TAB2: variants seen among roughly 807,000 people sequenced by gnomAD.
TAB2 encodes TGF-beta activated kinase 1 (MAP3K7) binding protein 2, also known as TGF-beta-activated kinase 1 and MAP3K7-binding protein 2.
In TAB2, 3 loss-of-function variants were observed where a neutral mutation model predicts 65.0. The observed-to-expected ratio is 0.05, with a 90% CI of 0.02 to 0.12. The LOEUF (loss-of-function observed/expected upper bound fraction) is 0.12, where lower values mean the gene tolerates loss of function less well. TAB2 is among the 10% of genes least tolerant of loss of function. The pLI, the probability that TAB2 is intolerant of heterozygous loss-of-function variation, is 1.00. For missense variants in TAB2, 623 were observed against 840.3 expected (o/e 0.74, Z 3.20); for synonymous variants, 298 against 285.1 (o/e 1.05, Z -0.46).
intron 1 of TAB2, among the ~76,000 whole-genome samples, chr6:149,274,683 T>C (rs755670170): frequency 2.2e-4 from 34 of 152,144 alleles, no homozygotes; most frequent in Admixed American, 1.1e-3. Context: ...TGGGCCTTCA[T>C]TGAAAAAAGG....
At chr6:149,275,238 A>AGAGAGAG (rs1778441134) in intron 1 of TAB2, among the ~76,000 whole-genome samples, 2 of 38,116 alleles carry the variant, frequency 5.2e-5, no homozygotes, top group African/African-American at 1.5e-4. Flanking sequence ...GAGAGAGAGA[A>AGAGAGAG]AGAAAGAAAG....
At chr6:149,391,563 G>A (rs2744428) in intron 3 of TAB2, among the ~76,000 whole-genome samples, 18,558 of 151,908 alleles carry the variant, frequency 0.12, 1,737 homozygotes, top group East Asian at 0.51. Context: ...AGGGGCAGGG[G>A]CAGGGTGTCA....
chr6:149,320,139 C>G (rs929671598), intron 1 of TAB2, among the ~76,000 whole-genome samples: 3 of 152,124 alleles, frequency 2.0e-5, no homozygotes, highest in African/African-American at 7.2e-5. Flanking sequence ...TGCAGTAGTG[C>G]GATCTTGACT....
intron 6 of TAB2, chr6:149,400,541 A>T: frequency 1.2e-6 from 2 of 1,614,264 alleles, no homozygotes; most frequent in Non-Finnish European, 8.5e-7. Context: ...ATTGTGAACC[A>T]CGGGGATTGT....
intron 1 of TAB2, among the ~76,000 whole-genome samples, chr6:149,288,381 C>T (rs192090588): frequency 2.1e-4 from 32 of 152,274 alleles, no homozygotes; most frequent in Non-Finnish European, 2.1e-4. Context: ...CTCCAGGAGA[C>T]GGCAGCAAGC....
intron 1 of TAB2, among the ~76,000 whole-genome samples, chr6:149,251,354 T>A (rs1777857606): frequency 6.6e-6 from 1 of 151,962 alleles, no homozygotes; most frequent in Admixed American, 6.6e-5. Context: ...TTAGAGGAGG[T>A]GGAAAGGTGG....
intron 1 of TAB2, among the ~76,000 whole-genome samples, chr6:149,319,106 G>T (rs1347745392): frequency 6.6e-6 from 1 of 152,176 alleles, no homozygotes; most frequent in South Asian, 2.1e-4. Context: ...TTTGTAAAGT[G>T]TCTAATTTTG....
chr6:149,299,744 C>A (rs1328242718), intron 1 of TAB2, among the ~76,000 whole-genome samples: 1 of 152,184 alleles, frequency 6.6e-6, no homozygotes, highest in Non-Finnish European at 1.5e-5. Context: ...AGGGGCAGGG[C>A]TCACACCTGT....
chr6:149,295,382 G>A (rs918825490), intron 1 of TAB2, among the ~76,000 whole-genome samples: 4 of 152,088 alleles, frequency 2.6e-5, no homozygotes, highest in Non-Finnish European at 4.4e-5. Flanking sequence ...TACCCGGTTT[G>A]AGATTTACTG....
chr6:149,317,332 C>T (rs1371257673), upstream of TAB2, among the ~76,000 whole-genome samples: 1 of 151,996 alleles, frequency 6.6e-6, no homozygotes, highest in Non-Finnish European at 1.5e-5. The surrounding 1 kb of genome is among the most constrained non-coding windows in gnomAD (Gnocchi z 4.7). Context: ...GTCCTCCCTC[C>T]AGCCCTAGCA....
intron 1 of TAB2, among the ~76,000 whole-genome samples, chr6:149,227,419 C>T (rs77175930): frequency 0.02 from 3,053 of 152,208 alleles, 107 homozygotes; most frequent in African/African-American, 0.065. Context: ...ATAGGCTATT[C>T]AGATACTCAA....
intron 3 of TAB2, among the ~76,000 whole-genome samples, chr6:149,382,067 A>C (rs993619672): frequency 4.1e-4 from 63 of 152,144 alleles, no homozygotes; most frequent in African/African-American, 1.4e-3. Flanking sequence ...TATCTATTGC[A>C]CTCAGAATAA....
In TAB2 at chr6:149,354,496, AT is replaced by A. The variant is rs1187536227; in HGVS notation, c.-89-15407del. On this transcript the variant is annotated intron_variant, in intron 1 of 6. Coordinates refer to ENST00000637181, the MANE Select transcript of TAB2 (RefSeq NM_001292034.3). Reference sequence around the variant, plus strand: ...ACATTATTTTCACTTTTTATTGAATATTTTTTATTACAGAAACAATATATTA... The same window carrying A: ...ACATTATTTTCACTTTTTATTGAATATTTTTATTACAGAAACAATATATTA... Among the ~76,000 whole-genome samples the A allele has an allele frequency of 3.3e-5, 5 of 152,240 alleles. 1 individual carries two copies. Among genetic ancestry groups the A allele is most frequent in the South Asian group, 4.1e-4 (2 of 4,826 alleles).
At chr6:149,402,881 C>A (rs901443258) in intron 6 of TAB2, among the ~76,000 whole-genome samples, 4 of 152,070 alleles carry the variant, frequency 2.6e-5, no homozygotes, top group Non-Finnish European at 4.4e-5. Flanking sequence ...AAGGAATAAC[C>A]ATGTAGTCAT....
At chr6:149,336,428 G>A (rs977869146) in intron 1 of TAB2, among the ~76,000 whole-genome samples, 1 of 152,022 alleles carries the variant, frequency 6.6e-6, no homozygotes, top group Non-Finnish European at 1.5e-5. Flanking sequence ...TTTATTGGGG[G>A]CACTTGCTGA....
In TAB2 at chr6:149,379,404, T is replaced by C. The variant is rs991949231; in HGVS notation, c.1489T>C (p.Tyr497His). ...LTNLLNHPDHYVETENIQHLT... is the reference protein window; with the variant it reads ...LTNLLNHPDHHVETENIQHLT... ...AAATCTTCTTAATCATCCTGATCAT[T>C]ATGTAGAAACCGAGAATATTCAGCA... The change falls in exon 3 of 7, where the codon TAT becomes CAT. Residue 497 changes from tyrosine to histidine, a missense_variant. Tyr to His is a moderately conservative substitution (Grantham distance 83, BLOSUM62 2). This residue lies in a region of TAB2 where 550 missense variants were observed against 665.7 expected (regional missense o/e 0.83). Transcript: ENST00000637181. The C allele has an allele frequency of 5.6e-6, 9 of 1,614,188 alleles. No individual in the cohort carries two copies. The East Asian group carries it at 1.3e-4, about 24-fold the overall frequency.
At chr6:149,298,637 C>T (rs1778919851) in intron 1 of TAB2, among the ~76,000 whole-genome samples, 1 of 152,144 alleles carries the variant, frequency 6.6e-6, no homozygotes, top group African/African-American at 2.4e-5. Flanking sequence ...CCACTATTTA[C>T]TACACCTGTA....
At chr6:149,382,268 T>A (rs1781636229) in intron 3 of TAB2, among the ~76,000 whole-genome samples, 1 of 152,184 alleles carries the variant, frequency 6.6e-6, no homozygotes, top group Non-Finnish European at 1.5e-5. Context: ...ACAGATAGAT[T>A]AAGTAACTTG....
intron 1 of TAB2, among the ~76,000 whole-genome samples, chr6:149,362,229 A>G (rs974541184): frequency 1.3e-5 from 2 of 152,202 alleles, no homozygotes; most frequent in African/African-American, 2.4e-5. Flanking sequence ...CATACCCAAG[A>G]TTAGGTAATT....
Sources: gnomAD v4.1 joint callset for allele counts (sites outside exome capture counted in the v4.1 genomes callset) on GRCh38, gnomAD v4.1.1 for gene constraint, gnomAD v4.1.1 regional missense constraint, Gnocchi (gnomAD v3.1) non-coding constraint, MANE v1.5 for transcripts, NCBI Gene and HGNC (gene_info 2026-07-23, HGNC 2026-07-21) for gene names.